The following GALNT16 variants were observed in gnomAD, a reference collection of about 807,000 sequenced individuals.
GALNT16 encodes the protein UDP-GalNAc:polypeptide N-acetylgalactosaminyltransferase-like protein 1.
Under a neutral mutation model 76.1 loss-of-function variants are expected in GALNT16, and 40 were observed. The ratio of observed to expected loss-of-function variants is 0.53; its 90% CI spans 0.41 to 0.68. GALNT16 has a LOEUF of 0.68. Among genes scored for constraint, GALNT16 ranks in the 30% least tolerant of loss-of-function variants. GALNT16 has a pLI of 0.00. For synonymous variants in GALNT16, 276 were observed against 285.2 expected (o/e 0.97, Z 0.32); for missense variants, 621 against 731.9 (o/e 0.85, Z 1.75).
chr14:69,361,897 C>T (rs533608341), downstream of GALNT16, among the ~76,000 whole-genome samples: 1 of 152,300 alleles, frequency 6.6e-6, no homozygotes, highest in Non-Finnish European at 1.5e-5. Context: ...ATCCCAGCTC[C>T]TCAGGAGGCT....
intron 9 of GALNT16, among the ~76,000 whole-genome samples, chr14:69,335,216 G>A (rs2140183368): frequency 6.6e-6 from 1 of 152,354 alleles, no homozygotes; most frequent in East Asian, 1.9e-4. Flanking sequence ...ATAGCAGTGA[G>A]GGGGCTTGCA....
At chr14:69,343,737 G>A (rs1175765325) in intron 12 of GALNT16, among the ~76,000 whole-genome samples, 1 of 152,132 alleles carries the variant, frequency 6.6e-6, no homozygotes, top group African/African-American at 2.4e-5. Flanking sequence ...TGGGAAGAGT[G>A]GGGGAGGCCT....
At chr14:69,295,257 T>C (rs2044742964) in intron 1 of GALNT16, among the ~76,000 whole-genome samples, 1 of 150,926 alleles carries the variant, frequency 6.6e-6, no homozygotes, top group Admixed American at 6.6e-5. Context: ...CTACCAAAAA[T>C]ACAAAAGATT....
chr14:69,299,924 G>A (rs1418225972), intron 1 of GALNT16, among the ~76,000 whole-genome samples: 1 of 152,142 alleles, frequency 6.6e-6, no homozygotes, highest in East Asian at 1.9e-4. Flanking sequence ...GTGTTACAGG[G>A]TCTGATGGAG....
At chr14:69,360,212 G>C (rs1357872814), downstream of GALNT16, among the ~76,000 whole-genome samples, 1 of 151,926 alleles carries the variant, frequency 6.6e-6, no homozygotes, top group African/African-American at 2.4e-5. Flanking sequence ...AATTAGCCAG[G>C]TGTGGTGGTG....
the GALNT16 span, among the ~76,000 whole-genome samples, chr14:69,377,309 G>T: frequency 6.6e-6 from 1 of 152,174 alleles, no homozygotes; most frequent in East Asian, 1.9e-4. Context: ...CAAAATTTTG[G>T]TATTGCTTTG....
intron 1 of GALNT16, among the ~76,000 whole-genome samples, chr14:69,286,085 G>C (rs896695374): frequency 4.6e-5 from 7 of 152,098 alleles, no homozygotes; most frequent in Non-Finnish European, 1.0e-4. Flanking sequence ...TTTGGGTGAG[G>C]TGCCCAGCCT....
downstream of GALNT16, among the ~76,000 whole-genome samples, chr14:69,361,713 A>G (rs1463238628): frequency 2.0e-5 from 3 of 152,154 alleles, no homozygotes; most frequent in Non-Finnish European, 4.4e-5. Context: ...TAAAGCACCT[A>G]AAGTCACAGG....
At chr14:69,325,824 G>C in intron 4 of GALNT16, 138 bp from the exon 5 acceptor site, 1 of 701,904 alleles carries the variant, frequency 1.4e-6, no homozygotes, top group South Asian at 1.6e-5. Context: ...TCGGCCAGTA[G>C]TGATGACCAT....
At chr14:69,325,612 G>A (rs115627424) in intron 4 of GALNT16, among the ~76,000 whole-genome samples, 1,625 of 152,192 alleles carry the variant, frequency 0.011, 32 homozygotes, top group African/African-American at 0.038. Flanking sequence ...GCTTTGGATG[G>A]GACTCTAGTG....
intron 1 of GALNT16, among the ~76,000 whole-genome samples, chr14:69,276,887 G>A (rs1409651132): frequency 6.6e-6 from 1 of 152,106 alleles, no homozygotes; most frequent in East Asian, 1.9e-4. Flanking sequence ...TGAGAAGGAG[G>A]GTGCAGTGGA....
intron 2 of GALNT16, among the ~76,000 whole-genome samples, chr14:69,322,568 G>A (rs2045204187): frequency 6.6e-6 from 1 of 152,200 alleles, no homozygotes; most frequent in Non-Finnish European, 1.5e-5. Context: ...GGTTGATGAG[G>A]TGCCACATGC....
chr14:69,352,239 T>G lies in GALNT16; in HGVS notation c.*71T>G. The G allele has an allele frequency of 7.4e-7, 1 of 1,356,450 alleles. No individual in the cohort carries two copies. Among genetic ancestry groups the G allele is most frequent in the Non-Finnish European group, 1.0e-6 (1 of 997,518 alleles). 84.0% of individuals were successfully genotyped at this position (1,356,450 alleles called of 1,614,324 possible). On this transcript the variant is annotated 3_prime_UTR_variant, in exon 15 of 15. Coordinates refer to ENST00000448469, the MANE Select transcript of GALNT16 (RefSeq NM_001168368.2). The stretch of plus-strand genomic sequence containing the variant: ...CCGGAAGGGGGTTAGGGTGGGGGAG[T>G]GCAAAGTGGGCTGTTCCCATCTCCT...
In GALNT16 at chr14:69,333,157, C is replaced by G. The variant is rs1265432193; in HGVS notation, c.851C>G (p.Thr284Ser). Residue 284 changes from threonine to serine, a missense_variant, in exon 8 of 15, where the codon ACC becomes AGC. Coordinates refer to ENST00000448469, the MANE Select transcript of GALNT16 (RefSeq NM_001168368.2). This position sits in a 1 kb window ranked among gnomAD's most constrained non-coding sequence, Gnocchi z 4.2. The stretch of plus-strand genomic sequence containing the variant: ...CAGAAGATGACCCGGACAGACCCCA[C>G]CAGGCCCATAAGGTCAGAGCTGCGG... ...LEQKMTRTDPTRPIRTPVIAG... is the reference protein window; with the variant it reads ...LEQKMTRTDPSRPIRTPVIAG... 6.2e-7 allele frequency: 1 copy of G among 1,610,510 alleles called. No individual in the cohort carries two copies. The highest frequency in any genetic ancestry group is 8.5e-7 in the Non-Finnish European group (1 of 1,177,300).
At position 69,260,225 on chromosome 14, in the gene GALNT16, C is replaced by G. The variant is rs2140089130; in HGVS notation, c.-66C>G. ...GAAAACAAACAGCTGGGGCTGCGAGCGCCCCCGCCCCGGCCCCGAGAGCAC... is the reference window on the plus strand; with the variant it reads ...GAAAACAAACAGCTGGGGCTGCGAGGGCCCCCGCCCCGGCCCCGAGAGCAC... On this transcript the variant is annotated 5_prime_UTR_variant, in exon 1 of 15. Transcript: ENST00000448469. The G allele has an allele frequency of 1.7e-5, 22 of 1,270,956 alleles. No individual in the cohort carries two copies. In the South Asian group the frequency reaches 2.6e-4, roughly 15 times the overall value. 78.7% of individuals were successfully genotyped at this position (1,270,956 alleles called of 1,614,324 possible).
At position 69,322,981 on chromosome 14, in the gene GALNT16, T is replaced by TGTGTGC. The variant is rs1196943800; in HGVS notation, c.336-1710_336-1709insTGTGCG. 6.4e-3 allele frequency among the ~76,000 whole-genome samples: 180 copies of TGTGTGC among 28,342 alleles called. 3 individuals are homozygous for TGTGTGC. The highest frequency in any genetic ancestry group is 0.014 in the Middle Eastern group (1 of 70). The allele number at this position is 28,342 out of a possible 152,430, so 18.6% of individuals were successfully genotyped here. ...GTGTGTGTGTGTGTGTGTGTGTGTG[T>TGTGTGC]GCGCGCGCACGCGCGCACGCATGCA... On this transcript the variant is annotated intron_variant, in intron 2 of 14. Transcript: ENST00000448469.
chr14:69,311,768 T>G (rs1042801284), intron 1 of GALNT16, among the ~76,000 whole-genome samples: 3 of 152,348 alleles, frequency 2.0e-5, no homozygotes, highest in Admixed American at 2.0e-4. Flanking sequence ...AAAGGCTTGC[T>G]GAGTTCTAAT....
chr14:69,341,453 C>G (rs1271953625), intron 11 of GALNT16, among the ~76,000 whole-genome samples: 1 of 152,238 alleles, frequency 6.6e-6, no homozygotes, highest in Non-Finnish European at 1.5e-5. Flanking sequence ...GAAAGGTGAG[C>G]TCCAGGCAGG....
At chr14:69,366,571 T>A in the GALNT16 span, among the ~76,000 whole-genome samples, 4 of 152,294 alleles carry the variant, frequency 2.6e-5, no homozygotes, top group South Asian at 8.3e-4. Flanking sequence ...TAGCTTCTAG[T>A]TTTTGCTGTA....
Sources: gnomAD v4.1 joint callset for allele counts (sites outside exome capture counted in the v4.1 genomes callset) on GRCh38, gnomAD v4.1.1 for gene constraint, Gnocchi (gnomAD v3.1) non-coding constraint, MANE v1.5 for transcripts, NCBI Gene and HGNC (gene_info 2026-07-23, HGNC 2026-07-21) for gene names.